KIF4A: variants seen among roughly 807,000 people sequenced by gnomAD.
KIF4A encodes kinesin family member 4A.
A neutral mutation model predicts 105.9 loss-of-function variants in KIF4A; 7 were observed. The ratio of observed to expected loss-of-function variants is 0.07; its 90% CI spans 0.04 to 0.12. The LOEUF (loss-of-function observed/expected upper bound fraction) is 0.12. Ranked by LOEUF, KIF4A falls within the 10% of genes least tolerant of loss-of-function variation. The pLI is 1.00. For missense variants in KIF4A, 558 were observed against 929.2 expected, an observed-to-expected ratio of 0.60 and a Z score of 5.19; for synonymous variants, 281 against 331.3, an observed-to-expected ratio of 0.85 and a Z score of 1.65.
chrX:70,333,048 G>A (rs1393933738), intron 9 of KIF4A, among the ~76,000 whole-genome samples: 1 of 110,878 alleles, frequency 9.0e-6, no homozygotes, highest in Non-Finnish European at 1.9e-5. Flanking sequence ...TTCAAAAATA[G>A]GTACTCAAGG....
intron 5 of KIF4A, among the ~76,000 whole-genome samples, chrX:70,299,656 G>A (rs762010011): frequency 1.6e-4 from 18 of 111,637 alleles, no homozygotes; most frequent in Non-Finnish European, 2.8e-4. Flanking sequence ...ACATATCCAT[G>A]TATTTTCTTC....
intron 7 of KIF4A, among the ~76,000 whole-genome samples, chrX:70,319,305 T>C (rs1250062470): frequency 8.9e-6 from 1 of 111,775 alleles, no homozygotes; most frequent in African/African-American, 3.3e-5. Context: ...TACCTCAAGA[T>C]CTTAACGATA....
intron 7 of KIF4A, among the ~76,000 whole-genome samples, chrX:70,319,792 T>C (rs1036026657): frequency 1.8e-5 from 2 of 112,522 alleles, no homozygotes; most frequent in African/African-American, 6.5e-5. Flanking sequence ...TTAAAAATTA[T>C]ATTTTCTAAC....
intron 7 of KIF4A, among the ~76,000 whole-genome samples, chrX:70,324,071 G>A (rs1028379586): frequency 2.7e-5 from 3 of 111,081 alleles, no homozygotes; most frequent in African/African-American, 3.3e-5. Flanking sequence ...CAGGTGATCT[G>A]CCTCGGCCTC....
intron 7 of KIF4A, among the ~76,000 whole-genome samples, chrX:70,326,549 CT>C (rs1248270675): frequency 8.9e-6 from 1 of 112,291 alleles, no homozygotes; most frequent in Non-Finnish European, 1.9e-5. Flanking sequence ...TTATATTTCT[CT>C]TTTAAAGTTA....
chrX:70,317,594 G>A (rs1235348621), intron 7 of KIF4A, among the ~76,000 whole-genome samples: 1 of 91,518 alleles, frequency 1.1e-5, no homozygotes, highest in Admixed American at 1.5e-4. Context: ...TGCCCAGGCT[G>A]AGTGCAGTGG....
intron 10 of KIF4A, among the ~76,000 whole-genome samples, chrX:70,335,949 C>A (rs2085948799): frequency 8.9e-6 from 1 of 112,180 alleles, no homozygotes; most frequent in African/African-American, 3.2e-5. Flanking sequence ...TTATTTCTAC[C>A]TCTTTTCTAC....
In KIF4A at chrX:70,349,496, G is replaced by A. The variant is rs1222060178; in HGVS notation, c.1432-3104G>A. Among the ~76,000 whole-genome samples, 4 of 99,964 alleles carry A rather than the reference G, an allele frequency of 4.0e-5. No individual in the cohort carries two copies. In the South Asian group the frequency reaches 1.6e-3, roughly 39 times the overall value. 86.8% of individuals were successfully genotyped at this position (99,964 alleles called of 115,157 possible). A position where few individuals can be genotyped will look rare whatever the true frequency, so the allele number is the denominator to read the frequency against. On this transcript the variant is annotated intron_variant, in intron 13 of 30. Coordinates refer to ENST00000374403, the MANE Select transcript of KIF4A (RefSeq NM_012310.5). ...CAGAGACGCTCCTCTCTTCCCAGAC[G>A]GGGCGGCTGCCGGGCAGAGGCGCTC...
rs1286818003 is a variant in KIF4A at position 70,317,877 on chromosome X, CTTTCT to C, written c.779-11524_779-11520del. Among the ~76,000 whole-genome samples, 93 of 47,729 alleles carry C rather than the reference CTTTCT, an allele frequency of 1.9e-3. 2 individuals are homozygous for C. The East Asian group carries it at 0.034, about 18-fold the overall frequency. The allele number at this position is 47,729 out of a possible 115,157, so 41.4% of individuals were successfully genotyped here. A position where few individuals can be genotyped will look rare whatever the true frequency, so the allele number is the denominator to read the frequency against. ...TTGCTTGCTTTTCTTTTCTTTCTTT[CTTTCT>C]TTTTTTTTTTTTTGAGATGGAGTCT... On this transcript the variant is annotated intron_variant, in intron 7 of 30. Coordinates refer to ENST00000374403, the MANE Select transcript of KIF4A (RefSeq NM_012310.5).
At chrX:70,395,924 C>T in intron 21 of KIF4A, 25 bp from the exon 22 acceptor site, 1 of 1,194,751 alleles carries the variant, frequency 8.4e-7, no homozygotes, top group Non-Finnish European at 1.1e-6. Flanking sequence ...TAGTATTTCA[C>T]CCTTGTTCTC....
intron 7 of KIF4A, among the ~76,000 whole-genome samples, chrX:70,310,348 T>TGCGC (rs112267902): frequency 2.7e-4 from 29 of 107,558 alleles, no homozygotes; most frequent in African/African-American, 1.0e-3. Context: ...TGTGTGTGTG[T>TGCGC]GCCTGGATTC....
At chrX:70,347,985 AAAG>A (rs2086000883) in intron 13 of KIF4A, among the ~76,000 whole-genome samples, 1 of 93,276 alleles carries the variant, frequency 1.1e-5, no homozygotes, top group Admixed American at 1.2e-4. Context: ...AAAAAAAAAA[AAAG>A]AATGATTTAG....
Position 70,297,060 on chromosome X carries a change from G to A in KIF4A, c.298G>A (p.Gly100Ser), listed in dbSNP as rs780898289. ...CTCTGGAAAAACCTATTCAATGGGA[G>A]GTGCATATACTGCAGAGCAAGAGAA... Reference protein sequence around the residue: ...TGSGKTYSMGGAYTAEQENEP... With the variant: ...TGSGKTYSMGSAYTAEQENEP... Residue 100 changes from glycine (G) to serine (S), a missense_variant, in exon 4 of 31, where the codon GGT becomes AGT. Gly to Ser is a moderately conservative substitution (Grantham distance 56). This residue lies in a region of KIF4A where 89 missense variants were observed against 248.8 expected (regional missense o/e 0.36). Coordinates refer to ENST00000374403, the MANE Select transcript of KIF4A (RefSeq NM_012310.5). 1.2e-4 allele frequency: 148 copies of A among 1,210,227 alleles called. No homozygotes were observed. The highest frequency in any genetic ancestry group is 1.6e-4 in the Non-Finnish European group (144 of 895,173).
intron 23 of KIF4A, among the ~76,000 whole-genome samples, chrX:70,403,642 A>G (rs2086289866): frequency 8.9e-6 from 1 of 112,679 alleles, no homozygotes; most frequent in South Asian, 3.7e-4. Context: ...CCCAAGATAC[A>G]TGTCTCAGCA....
chrX:70,394,608 G>C (rs751496419), intron 20 of KIF4A, among the ~76,000 whole-genome samples: 1 of 111,864 alleles, frequency 8.9e-6, no homozygotes, highest in Non-Finnish European at 1.9e-5. Context: ...CTTGCTATTT[G>C]TTTTCTATTG....
chrX:70,349,049 T>TCTC (rs2086007845), intron 13 of KIF4A, among the ~76,000 whole-genome samples: 1 of 55,754 alleles, frequency 1.8e-5, no homozygotes, highest in African/African-American at 7.1e-5. Flanking sequence ...CCAGACGGGG[T>TCTC]GGCCGGGCAG....
rs750463500 is a variant in KIF4A, at chrX:70,352,429, G to A, written c.1432-171G>A. Among the ~76,000 whole-genome samples, 9 of 112,013 alleles carry A rather than the reference G, an allele frequency of 8.0e-5. No homozygotes were observed. In the South Asian group the frequency reaches 3.4e-3, roughly 42 times the overall value. On this transcript the variant is annotated intron_variant, in intron 13 of 30. Transcript: ENST00000374403. ...TCCTTTATGAAGAAGAAAGACTCTTGAGAGATGGGAAATGGAAACGTGACT... is the reference window on the plus strand; with the variant it reads ...TCCTTTATGAAGAAGAAAGACTCTTAAGAGATGGGAAATGGAAACGTGACT...
chrX:70,343,615 C>T, intron 11 of KIF4A, 88 bp from the exon 12 acceptor site: 1 of 831,900 alleles, frequency 1.2e-6, no homozygotes, highest in Admixed American at 2.5e-5. Flanking sequence ...GCCTCTCTAC[C>T]TAGCTTTTAA....
chrX:70,371,581 C>T lies in KIF4A; in HGVS notation c.1675-2570C>T, dbSNP rs1410620884. Among the ~76,000 whole-genome samples, 16 of 106,644 alleles carry T rather than the reference C, an allele frequency of 1.5e-4. No homozygotes were observed. The East Asian group carries it at 2.5e-3, about 17-fold the overall frequency. 92.6% of individuals were successfully genotyped at this position (106,644 alleles called of 115,157 possible). ...GCAGAGGCGCCCCTTACCTCCCGGA[C>T]GGGGCAGCTGGCCGGGCGGGGGGCT... On this transcript the variant is annotated intron_variant, in intron 15 of 30. Coordinates refer to ENST00000374403, the MANE Select transcript of KIF4A (RefSeq NM_012310.5).
Sources: allele counts gnomAD v4.1 joint callset (sites outside exome capture counted in the v4.1 genomes callset), GRCh38; gene constraint gnomAD v4.1.1; regional missense constraint gnomAD v4.1.1; transcripts MANE v1.5; gene names NCBI Gene and HGNC (gene_info 2026-07-23, HGNC 2026-07-21).